Variants in DMXL1 observed in about 807,000 individuals in gnomAD.
DMXL1 encodes Dmx like 1, also known as dmX-like protein 1.
A neutral mutation model predicts 319.2 loss-of-function variants in DMXL1; 99 were observed. That is an observed-to-expected ratio of 0.31 (90% confidence interval 0.26 to 0.37). The LOEUF is 0.37. Among genes scored for constraint, DMXL1 ranks in the 10% least tolerant of loss-of-function variants. The probability of loss-of-function intolerance (pLI) is 1.00; values close to 1 mark genes in which losing one functional copy is unlikely to be tolerated. For synonymous variants in DMXL1, 1,385 were observed against 1,235.2 expected, an observed-to-expected ratio of 1.12 and a Z score of -2.54; for missense variants, 3,745 against 3,595.6, an observed-to-expected ratio of 1.04 and a Z score of -1.06.
chr5:119,086,206 C>T (rs907531485), intron 1 of DMXL1, among the ~76,000 whole-genome samples: 6 of 152,120 alleles, frequency 3.9e-5, no homozygotes, highest in East Asian at 1.9e-4. Context: ...CATCAGATCT[C>T]GTGAGACTTA....
rs373596268 is a variant in DMXL1 at position 119,071,665 on chromosome 5, G to C, written c.87+9G>C. 3 of 1,578,784 alleles carry C rather than the reference G, an allele frequency of 1.9e-6. No homozygotes were observed. The highest frequency in any genetic ancestry group is 2.6e-6 in the Non-Finnish European group (3 of 1,162,830). On this transcript the variant is annotated intron_variant, in intron 1 of 43. Transcript: ENST00000539542. Reference sequence around the variant, plus strand: ...GCGACCAGCGCTTCACGGTGAGTGAGGGAGGCCCTCGCGTCGCCCGTGGCC... The same window carrying C: ...GCGACCAGCGCTTCACGGTGAGTGACGGAGGCCCTCGCGTCGCCCGTGGCC...
intron 15 of DMXL1, among the ~76,000 whole-genome samples, chr5:119,146,394 A>G (rs1768542094): frequency 6.6e-6 from 1 of 151,972 alleles, no homozygotes. Flanking sequence ...CTTGAATGAT[A>G]TGTTTTATAA....
intron 38 of DMXL1, among the ~76,000 whole-genome samples, chr5:119,225,673 A>T (rs192034834): frequency 1.5e-4 from 23 of 152,260 alleles, no homozygotes; most frequent in African/African-American, 5.5e-4. Context: ...TCTATTATCA[A>T]AGTTGTGTAC....
intron 9 of DMXL1, among the ~76,000 whole-genome samples, chr5:119,123,355 AGAGGGAGAG>A (rs1762682380): frequency 1.1e-5 from 1 of 94,870 alleles, no homozygotes; most frequent in Admixed American, 1.2e-4. Context: ...GAGAGGAGGG[AGAGGGAGAG>A]GAGGGAGAGG....
At chr5:119,237,504 TAATA>T (rs1269319814) in intron 40 of DMXL1, 90 bp downstream of exon 40, 26 of 773,034 alleles carry the variant, frequency 3.4e-5, no homozygotes, top group Non-Finnish European at 5.3e-5. Context: ...AATATAGAAC[TAATA>T]AATAAAATAT....
At chr5:119,206,705 T>A in intron 33 of DMXL1, 129 bp from the exon 34 acceptor site, 1 of 554,974 alleles carries the variant, frequency 1.8e-6, no homozygotes, top group South Asian at 2.6e-5. Context: ...ATTTTGAGAA[T>A]AGTAACTCCA....
Position 119,118,815 on chromosome 5 carries a change from G to T in DMXL1, c.744G>T (p.Arg248Ser). ...CTTCTAAAATCTTTTCATTCCTTAGGGCTTCTGTATGTAATGTACTGTTGA... is the reference window on the plus strand; with the variant it reads ...CTTCTAAAATCTTTTCATTCCTTAGTGCTTCTGTATGTAATGTACTGTTGA... ...SWRKTSKYMP[R>S]ASVCNVLLTC... The change falls in exon 8 of 44, where the codon AGG becomes AGT. Residue 248 changes from arginine to serine, a missense_variant and splice_region_variant. By Grantham distance (110) the Arg-to-Ser change is moderately radical (BLOSUM62 -1). Transcript: ENST00000539542. 6.3e-7 allele frequency: 1 copy of T among 1,590,950 alleles called. No individual in the cohort carries two copies. Among genetic ancestry groups the T allele is most frequent in the Non-Finnish European group, 8.5e-7 (1 of 1,171,868 alleles).
At position 119,244,644 on chromosome 5, in the gene DMXL1, T is replaced by C. The variant is rs1789423365; in HGVS notation, c.8922+68T>C. ...CAGAAACCTTAGCTCTTTAATCGTA[T>C]TGATGACATCAATCTATTTAAATAA... On this transcript the variant is annotated intron_variant, in intron 43 of 43. Transcript: ENST00000539542. 4.5e-6 allele frequency: 5 copies of C among 1,122,882 alleles called. No individual in the cohort carries two copies. In the South Asian group the frequency reaches 6.7e-5, roughly 15 times the overall value. The allele number at this position is 1,122,882 out of a possible 1,614,324, so 69.6% of individuals were successfully genotyped here.
At chr5:119,111,765 A>G (rs1287547882) in intron 5 of DMXL1, among the ~76,000 whole-genome samples, 1 of 152,254 alleles carries the variant, frequency 6.6e-6, no homozygotes, top group African/African-American at 2.4e-5. Context: ...CAGGTATAAC[A>G]ATAGTAAGCA....
chr5:119,128,187 CTT>C (rs1764027585), intron 9 of DMXL1: 1 of 444,948 alleles, frequency 2.2e-6, no homozygotes, highest in East Asian at 5.9e-5. Context: ...CCTGCACGGT[CTT>C]TTTAATTCTG....
chr5:119,166,777 T>C lies in DMXL1; in HGVS notation c.5132T>C (p.Ile1711Thr), dbSNP rs1311251204. The change falls in exon 22 of 44, where the codon ATT (isoleucine) becomes ACT (threonine). Residue 1711 changes from isoleucine (I) to threonine (T), a missense_variant. Physicochemically the swap from Ile to Thr is moderately conservative, Grantham distance 89. Coordinates refer to ENST00000539542, the MANE Select transcript of DMXL1 (RefSeq NM_001290321.3). ...FLLAGCLRDA[I>T]EVCLEKLNDI... ...TTAGCTGGTTGCCTCAGAGATGCAATTGAGGTAATGAGTGAAATTTAAATA... is the reference window on the plus strand; with the variant it reads ...TTAGCTGGTTGCCTCAGAGATGCAACTGAGGTAATGAGTGAAATTTAAATA... The C allele has an allele frequency of 6.2e-7, 1 of 1,607,142 alleles. No homozygotes were observed. The highest frequency in any genetic ancestry group is 8.5e-7 in the Non-Finnish European group (1 of 1,177,316).
intron 9 of DMXL1, chr5:119,127,009 ATCT>A (rs1381214796): frequency 1.8e-5 from 3 of 164,710 alleles, no homozygotes; most frequent in Admixed American, 1.3e-4. Flanking sequence ...CTTTGTCCCC[ATCT>A]TCTTCATTTT....
intron 33 of DMXL1, 77 bp downstream of exon 33, chr5:119,203,513 T>G: frequency 1.2e-6 from 1 of 814,476 alleles, no homozygotes; most frequent in Non-Finnish European, 1.8e-6. Context: ...TAAAATGAGT[T>G]GTATTTTACA....
rs763766051 is a variant in DMXL1, at chr5:119,247,047, C to T, written c.8975C>T (p.Ala2992Val). Reference protein sequence around the residue: ...GLLHTFVSEHARQSIFRNIGT... With the variant: ...GLLHTFVSEHVRQSIFRNIGT... ...CTCCATACTTTTGTCAGTGAACATGCTCGGCAGTCCATTTTTAGAAATATT... is the reference window on the plus strand; with the variant it reads ...CTCCATACTTTTGTCAGTGAACATGTTCGGCAGTCCATTTTTAGAAATATT... Residue 2992 changes from alanine to valine, a missense_variant, in exon 44 of 44, where the codon GCT (alanine) becomes GTT (valine). Ala to Val is a moderately conservative substitution (Grantham distance 64). Transcript: ENST00000539542. 2 of 1,614,086 alleles carry T rather than the reference C, an allele frequency of 1.2e-6. No homozygotes were observed. Among genetic ancestry groups the T allele is most frequent in the Non-Finnish European group, 1.7e-6 (2 of 1,179,978 alleles).
intron 32 of DMXL1, among the ~76,000 whole-genome samples, chr5:119,198,926 A>C (rs766400156): frequency 1.8e-4 from 28 of 152,150 alleles, no homozygotes; most frequent in Non-Finnish European, 3.8e-4. Flanking sequence ...TTGCTCTATT[A>C]ATCAGGCTGG....
chr5:119,122,941 G>A (rs1162300759), intron 9 of DMXL1, among the ~76,000 whole-genome samples: 1 of 152,176 alleles, frequency 6.6e-6, no homozygotes, highest in East Asian at 1.9e-4. Flanking sequence ...ACTTTGGGAG[G>A]CCAAGGCAGG....
At position 119,248,888 on chromosome 5, in the gene DMXL1, T is replaced by C. The variant is rs766305420; in HGVS notation, c.*1669T>C. ...CAGCATTGCAAACAATAGTATTGTT[T>C]GATGTAGTTAACCTTAAGTTATTTT... On this transcript the variant is annotated 3_prime_UTR_variant, in exon 44 of 44. Transcript: ENST00000539542. 2 of 152,512 alleles carry C rather than the reference T, an allele frequency of 1.3e-5. No individual in the cohort carries two copies. Among genetic ancestry groups the C allele is most frequent in the Non-Finnish European group, 2.9e-5 (2 of 67,930 alleles). The allele number at this position is 152,512 out of a possible 1,614,324, so 9.4% of individuals were successfully genotyped here. A position where few individuals can be genotyped will look rare whatever the true frequency, so the allele number is the denominator to read the frequency against.
In DMXL1 at chr5:119,165,286, TAAAAAAA is replaced by T; in HGVS notation, c.4970+18_4970+24del. 8.5e-5 allele frequency: 75 copies of T among 883,958 alleles called. No homozygotes were observed. The highest frequency in any genetic ancestry group is 2.1e-4 in the South Asian group (11 of 51,478). The allele number at this position is 883,958 out of a possible 1,614,324, so 54.8% of individuals were successfully genotyped here. On this transcript the variant is annotated splice_region_variant and intron_variant, in intron 21 of 43. Transcript: ENST00000539542. ...GTGATTTGGGGATTATATAGGTAGGTAAAAAAAAAAAAAAAAAAGGGTGCTTCAATGT... is the reference window on the plus strand; with the variant it reads ...GTGATTTGGGGATTATATAGGTAGGTAAAAAAAAAAAGGGTGCTTCAATGT...
At chr5:119,077,798 C>G (rs150131650) in intron 1 of DMXL1, among the ~76,000 whole-genome samples, 2 of 119,748 alleles carry the variant, frequency 1.7e-5, no homozygotes, top group East Asian at 2.2e-4. Context: ...TATATCTGTA[C>G]TTACCTGGCG....
Sources: gnomAD v4.1 joint callset for allele counts (sites outside exome capture counted in the v4.1 genomes callset) on GRCh38, gnomAD v4.1.1 for gene constraint, MANE v1.5 for transcripts, NCBI Gene and HGNC (gene_info 2026-07-23, HGNC 2026-07-21) for gene names.